FAM221B: variants seen among roughly 807,000 people sequenced by gnomAD.
FAM221B encodes the protein protein FAM221B.
FAM221B carries 35 observed loss-of-function variants against 39.8 expected under a neutral mutation model. The ratio of observed to expected loss-of-function variants is 0.88; its 90% CI spans 0.67 to 1.17. FAM221B has a LOEUF of 1.17. FAM221B is among the 50% of genes most tolerant of loss of function. The pLI is 0.00. For synonymous variants in FAM221B, 158 were observed against 178.1 expected (o/e 0.89, Z 0.90); for missense variants, 479 against 503.1 (o/e 0.95, Z 0.46).
At chr9:35,821,608 T>C (rs759375265) in intron 3 of FAM221B, 1 of 1,367,658 alleles carries the variant, frequency 7.3e-7, no homozygotes, top group African/African-American at 1.5e-5. Flanking sequence ...AGGATTCCAC[T>C]AGAGGAGTTC....
chr9:35,819,053 A>T, intron 5 of FAM221B, 44 bp from the exon 6 acceptor site: 2 of 1,550,912 alleles, frequency 1.3e-6, no homozygotes, highest in Non-Finnish European at 1.7e-6. Flanking sequence ...AAATGGTGGT[A>T]TCCCCAGGAG....
chr9:35,824,992 GTTTAATAA>G (rs1829290533), intron 3 of FAM221B, among the ~76,000 whole-genome samples: 1 of 152,112 alleles, frequency 6.6e-6, no homozygotes, highest in African/African-American at 2.4e-5. Flanking sequence ...ACCCTTCTGT[GTTTAATAA>G]TTTTAGTTCA....
chr9:35,823,093 C>T (rs982310199), intron 3 of FAM221B, among the ~76,000 whole-genome samples: 2 of 152,220 alleles, frequency 1.3e-5, no homozygotes, highest in African/African-American at 4.8e-5. Flanking sequence ...TGTCATGTCT[C>T]ATCTTACAGC....
chr9:35,817,529 A>G lies in FAM221B; in HGVS notation c.*940T>C, dbSNP rs1272874517. Reference sequence around the variant, plus strand: ...CCTGACACCCTCACATCATCAACCCATTAAATATTTGGATTCTCTGCTTCT... The same window carrying G: ...CCTGACACCCTCACATCATCAACCCGTTAAATATTTGGATTCTCTGCTTCT... On this transcript the variant is annotated 3_prime_UTR_variant, in exon 7 of 7. Transcript: ENST00000423537. 6.6e-6 allele frequency: 1 copy of G among 152,114 alleles called. No individual in the cohort carries two copies. Among genetic ancestry groups the G allele is most frequent in the Non-Finnish European group, 1.5e-5 (1 of 68,062 alleles). 9.4% of individuals were successfully genotyped at this position (152,114 alleles called of 1,614,324 possible).
rs749120802 is a variant in FAM221B at position 35,825,947 on chromosome 9, G to T, written c.215C>A (p.Pro72His). ...PSQIPLEAHSPETHQEPSISE... is the reference protein window; with the variant it reads ...PSQIPLEAHSHETHQEPSISE... Reference sequence around the variant, plus strand: ...GATGGAAGGCTCCTGATGGGTTTCAGGGGAATGGGCCTCTAAGGGGATCTG... The same window carrying T: ...GATGGAAGGCTCCTGATGGGTTTCATGGGAATGGGCCTCTAAGGGGATCTG... Residue 72 changes from proline (P) to histidine (H), a missense_variant, in exon 2 of 7, where the codon CCT becomes CAT. Coordinates refer to ENST00000423537, the MANE Select transcript of FAM221B (RefSeq NM_001012446.4). This position sits in a 1 kb window ranked among gnomAD's most constrained non-coding sequence, Gnocchi z 4.2. 6.2e-7 allele frequency: 1 copy of T among 1,614,138 alleles called. No homozygotes were observed. Among genetic ancestry groups the T allele is most frequent in the Non-Finnish European group, 8.5e-7 (1 of 1,180,032 alleles).
At chr9:35,826,501 A>G (rs1829369821) in intron 1 of FAM221B, among the ~76,000 whole-genome samples, 2 of 152,214 alleles carry the variant, frequency 1.3e-5, no homozygotes, top group African/African-American at 4.8e-5. Flanking sequence ...GTCCAAGAGC[A>G]GGGTCCTTGG....
chr9:35,825,278 T>C lies in FAM221B; in HGVS notation c.694A>G (p.Asn232Asp), dbSNP rs765173058. The C allele has an allele frequency of 9.9e-6, 16 of 1,614,222 alleles. No homozygotes were observed. Among genetic ancestry groups the C allele is most frequent in the South Asian group, 7.7e-5 (7 of 91,090 alleles). The change falls in exon 3 of 7, where the codon AAT (asparagine) becomes GAT (aspartate). Residue 232 changes from asparagine (N) to aspartate (D), a missense_variant. Asn to Asp is a conservative substitution (Grantham distance 23). Coordinates refer to ENST00000423537, the MANE Select transcript of FAM221B (RefSeq NM_001012446.4). The surrounding 1 kb of genome is among the most constrained non-coding windows in gnomAD (Gnocchi z 4.2). The part of the protein sequence containing the change: ...HREEFGAQVN[N>D]LFQWEKDAAL... Reference sequence around the variant, plus strand: ...GCATCCTTCTCCCACTGGAAAAGATTGTTCACTTGAGCACCAAACTCCTCT... The same window carrying C: ...GCATCCTTCTCCCACTGGAAAAGATCGTTCACTTGAGCACCAAACTCCTCT...
Position 35,818,406 on chromosome 9 carries a change from T to G in FAM221B, c.*63A>C. The G allele has an allele frequency of 2.1e-6, 3 of 1,461,892 alleles. No individual in the cohort carries two copies. Among genetic ancestry groups the G allele is most frequent in the Non-Finnish European group, 2.8e-6 (3 of 1,065,330 alleles). The allele number at this position is 1,461,892 out of a possible 1,614,324, so 90.6% of individuals were successfully genotyped here. On this transcript the variant is annotated 3_prime_UTR_variant, in exon 7 of 7. Coordinates refer to ENST00000423537, the MANE Select transcript of FAM221B (RefSeq NM_001012446.4). ...GTCTCTCCCTGGGCTGGGATCTACCTGCCCCATATAGAGCCAAGTCAGGTT... is the reference window on the plus strand; with the variant it reads ...GTCTCTCCCTGGGCTGGGATCTACCGGCCCCATATAGAGCCAAGTCAGGTT...
chr9:35,822,446 T>C (rs918286298), intron 3 of FAM221B, among the ~76,000 whole-genome samples: 1 of 152,168 alleles, frequency 6.6e-6, no homozygotes, highest in African/African-American at 2.4e-5. Context: ...CTCGCTCTGT[T>C]GCCTAGGCTG....
Position 35,828,647 on chromosome 9 carries a change from G to A in FAM221B, c.-185C>T. On this transcript the variant is annotated 5_prime_UTR_variant, in exon 1 of 7. An upstream open reading frame in the 5' UTR gains an earlier in-frame stop. Transcript: ENST00000423537. The surrounding 1 kb of genome is among the most constrained non-coding windows in gnomAD (Gnocchi z 4.5). ...ATCTGGGAAGGGGACTTGGATATCT[G>A]CAGAACTTCGCAAAGGAGCTCTGGC... 1 of 985,562 alleles carries A rather than the reference G, an allele frequency of 1.0e-6. No homozygotes were observed. The highest frequency in any genetic ancestry group is 1.2e-6 in the Non-Finnish European group (1 of 830,024). 61.1% of individuals were successfully genotyped at this position (985,562 alleles called of 1,614,324 possible).
At chr9:35,821,208 C>G (rs919375789) in intron 3 of FAM221B, among the ~76,000 whole-genome samples, 1 of 152,202 alleles carries the variant, frequency 6.6e-6, no homozygotes. Flanking sequence ...TCTTTTCACC[C>G]GTATCTCTCA....
chr9:35,823,012 T>TGG (rs1829184354), intron 3 of FAM221B, among the ~76,000 whole-genome samples: 1 of 152,134 alleles, frequency 6.6e-6, no homozygotes, highest in Non-Finnish European at 1.5e-5. Context: ...TAGAGCAGAG[T>TGG]GGGCTCTTCT....
intron 3 of FAM221B, among the ~76,000 whole-genome samples, chr9:35,822,360 G>A (rs1470198081): frequency 6.6e-6 from 1 of 152,028 alleles, no homozygotes; most frequent in African/African-American, 2.4e-5. Context: ...CTGTTCCAAT[G>A]GTCAGTTTCA....
rs760573682 is a variant in FAM221B, at chr9:35,816,607, A to G, written c.*1862T>C. 1.3e-5 allele frequency: 2 copies of G among 152,194 alleles called. No homozygotes were observed. Among genetic ancestry groups the G allele is most frequent in the Non-Finnish European group, 2.9e-5 (2 of 68,040 alleles). The allele number at this position is 152,194 out of a possible 1,614,324, so 9.4% of individuals were successfully genotyped here. A position where few individuals can be genotyped will look rare whatever the true frequency, so the allele number is the denominator to read the frequency against. On this transcript the variant is annotated 3_prime_UTR_variant, in exon 7 of 7. Coordinates refer to ENST00000423537, the MANE Select transcript of FAM221B (RefSeq NM_001012446.4). ...TATTATTTCCTTCAATGAGTTTATC[A>G]TAGTAATCCTAACTCTATTGTTGAC...
In FAM221B at chr9:35,828,444, CG is replaced by C. The variant is rs1319607915; in HGVS notation, c.-1+18del. ...GTCTTTGAGGGAAGAGGGCAAGGGC[CG>C]TTGGAGAAACCACCTACCCTCTGGG... On this transcript the variant is annotated intron_variant, in intron 1 of 6. Transcript: ENST00000423537. The surrounding 1 kb of genome is among the most constrained non-coding windows in gnomAD (Gnocchi z 4.5). 2.0e-6 allele frequency: 2 copies of C among 979,312 alleles called. No homozygotes were observed. The highest frequency in any genetic ancestry group is 1.2e-4 in the Admixed American group (2 of 16,244). The allele number at this position is 979,312 out of a possible 1,614,324, so 60.7% of individuals were successfully genotyped here.
Position 35,816,391 on chromosome 9 carries a change from T to G in FAM221B, c.*2078A>C, listed in dbSNP as rs1052199921. ...ACCACTGTTTCTTTGGTTTTTCTTT[T>G]TTTCTTTTTTTTTTTTTTAAACACA... is the stretch of plus-strand genomic sequence containing the variant. On this transcript the variant is annotated 3_prime_UTR_variant, in exon 7 of 7. Transcript: ENST00000423537. The G allele has an allele frequency of 3.3e-5, 5 of 151,782 alleles. No homozygotes were observed. The highest frequency in any genetic ancestry group is 3.3e-4 in the Admixed American group (5 of 15,248). 9.4% of individuals were successfully genotyped at this position (151,782 alleles called of 1,614,324 possible). A position where few individuals can be genotyped will look rare whatever the true frequency, so the allele number is the denominator to read the frequency against.
rs1829061966 is a variant in FAM221B at position 35,818,509 on chromosome 9, G to A, written c.1172-3C>T. 1.2e-5 allele frequency: 19 copies of A among 1,551,564 alleles called. No individual in the cohort carries two copies. The highest frequency in any genetic ancestry group is 1.6e-5 in the Non-Finnish European group (18 of 1,146,990). Reference sequence around the variant, plus strand: ...CCAGTTGCTGACAGTGTCTGTCCCTGGAGGAAGAAAGAGCAGAGGTGAAAG... The same window carrying A: ...CCAGTTGCTGACAGTGTCTGTCCCTAGAGGAAGAAAGAGCAGAGGTGAAAG... On this transcript the variant is annotated splice_polypyrimidine_tract_variant and splice_region_variant and intron_variant, in intron 6 of 6. Transcript: ENST00000423537.
chr9:35,824,371 A>G (rs541466091), intron 3 of FAM221B, among the ~76,000 whole-genome samples: 1 of 152,332 alleles, frequency 6.6e-6, no homozygotes, highest in Admixed American at 6.5e-5. Context: ...GCAGCATGCC[A>G]CTAACAGGAC....
In FAM221B at chr9:35,825,707, A is replaced by G. The variant is rs1049770753; in HGVS notation, c.455T>C (p.Leu152Pro). The stretch of plus-strand genomic sequence containing the variant: ...AGGGCCTGAAAGACAGTGTTCTGGA[A>G]GGCTCTCAGATTCAGAGAGATGGGT... ...RSTHLSESES[L>P]PEHCLSGPSS... The change falls in exon 2 of 7, where the codon CTT becomes CCT. Residue 152 changes from leucine to proline, a missense_variant. Leu to Pro is a moderately conservative substitution (Grantham distance 98). Transcript: ENST00000423537. The surrounding 1 kb of genome is among the most constrained non-coding windows in gnomAD (Gnocchi z 4.2). 1.1e-5 allele frequency: 18 copies of G among 1,614,198 alleles called. No individual in the cohort carries two copies. The highest frequency in any genetic ancestry group is 1.5e-5 in the Non-Finnish European group (18 of 1,180,024).
Sources: gnomAD v4.1 joint callset for allele counts (sites outside exome capture counted in the v4.1 genomes callset) on GRCh38, gnomAD v4.1.1 for gene constraint, Gnocchi (gnomAD v3.1) non-coding constraint, MANE v1.5 for transcripts, NCBI Gene and HGNC (gene_info 2026-07-23, HGNC 2026-07-21) for gene names.